HLA-DPA1: variants seen among roughly 807,000 people sequenced by gnomAD.
HLA-DPA1 encodes the protein major histocompatibility complex, class II, DP alpha 1, also known as HLA class II histocompatibility antigen, DP alpha 1 chain.
Under a neutral mutation model 21.5 loss-of-function variants are expected in HLA-DPA1, and 20 were observed. The observed-to-expected ratio is 0.93, with a 90% confidence interval of 0.66 to 1.35. The LOEUF (loss-of-function observed/expected upper bound fraction) is 1.35. Among genes scored for constraint, HLA-DPA1 ranks in the 40% most tolerant of loss-of-function variants. The pLI, the probability that HLA-DPA1 is intolerant of heterozygous loss-of-function variation, is 0.00. For synonymous variants in HLA-DPA1, 123 were observed against 129.6 expected (o/e 0.95, Z 0.35); for missense variants, 279 against 323.0 (o/e 0.86, Z 1.05).
exon 5 of HLA-DPA1, chr6:33,068,720 A>G: frequency 6.2e-7 from 1 of 1,612,980 alleles, no homozygotes. Flanking sequence ...GGTGCCCACG[A>G]TGATGCCGAC....
At chr6:33,079,909 A>C (rs1324172649) in intron 1 of HLA-DPA1, 1 of 233,142 alleles carries the variant, frequency 4.3e-6, no homozygotes, top group East Asian at 4.4e-4. Flanking sequence ...AAAAACTGCC[A>C]AAAAAAATTA....
intron 2 of HLA-DPA1, among the ~76,000 whole-genome samples, chr6:33,072,321 C>T (rs4345439): frequency 0.096 from 14,569 of 152,136 alleles, 1,705 homozygotes; most frequent in East Asian, 0.59. Flanking sequence ...GTCTCTGGGA[C>T]AGGATGCAGA....
At position 33,080,174 on chromosome 6, in the gene HLA-DPA1, A is replaced by G. The variant is rs1420299418; in HGVS notation, c.-100+506T>C. On this transcript the variant is annotated intron_variant, in intron 1 of 5. Coordinates refer to ENST00000419277, the Ensembl canonical transcript of HLA-DPA1. This position sits in a 1 kb window ranked among gnomAD's most constrained non-coding sequence, Gnocchi z 4.3. ...AATTCTCAAGAAACTGGTCGAGAAG[A>G]GAGAGCGCTTAGCTATGGAAAAGAG... Among the ~76,000 whole-genome samples the G allele has an allele frequency of 6.6e-6, 1 of 152,188 alleles. No individual in the cohort carries two copies. The highest frequency in any genetic ancestry group is 1.5e-5 in the Non-Finnish European group (1 of 68,040).
At chr6:33,078,260 G>A (rs115701130) in intron 1 of HLA-DPA1, among the ~76,000 whole-genome samples, 56 of 152,270 alleles carry the variant, frequency 3.7e-4, no homozygotes, top group African/African-American at 1.3e-3. Context: ...GGGACTGAGG[G>A]TAGATTACTG....
At chr6:33,065,416 C>T (rs561792663) in intron 5 of HLA-DPA1, 69 bp from the exon 5 acceptor site, 1 of 152,616 alleles carries the variant, frequency 6.6e-6, no homozygotes, top group East Asian at 1.9e-4. Context: ...ATCTTCCCCA[C>T]TCCCTTTGCA....
chr6:33,069,911 C>T (rs1398176462), intron 2 of HLA-DPA1, 25 bp from the exon 2 acceptor site: 4 of 1,598,220 alleles, frequency 2.5e-6, no homozygotes, highest in Non-Finnish European at 3.4e-6. Flanking sequence ...TAGAGAAAAA[C>T]ACGACAAAAT....
At chr6:33,073,300 T>C (rs981896196) in intron 2 of HLA-DPA1, 171 bp downstream of exon 1, 24 of 554,550 alleles carry the variant, frequency 4.3e-5, no homozygotes, top group Non-Finnish European at 6.7e-5. Context: ...TGCAGGAGTC[T>C]CATAAATTCT....
intron 1 of HLA-DPA1, among the ~76,000 whole-genome samples, chr6:33,078,626 CAA>C (rs34544512): frequency 1.3e-5 from 2 of 150,970 alleles, no homozygotes; most frequent in Non-Finnish European, 3.0e-5. Context: ...TTCTTATATA[CAA>C]AAAAAAATGA....
chr6:33,068,887 T>C (rs1240692465), intron 4 of HLA-DPA1, 83 bp from the exon 4 acceptor site: 22 of 1,552,986 alleles, frequency 1.4e-5, no homozygotes, highest in Middle Eastern at 1.8e-4. Context: ...TTGAAGGTTA[T>C]GGACCAGTTA....
chr6:33,077,066 C>T (rs1416569627), intron 1 of HLA-DPA1, among the ~76,000 whole-genome samples: 3 of 112,368 alleles, frequency 2.7e-5, no homozygotes, highest in Non-Finnish European at 5.3e-5. Context: ...CTATCCCTCC[C>T]CCCTCCCCCC....
chr6:33,069,203 G>C lies in HLA-DPA1; in HGVS notation c.444C>G (p.Leu148=), dbSNP rs535481190. ...CCCCGTTGCACAGCCACGTGACGTTGAGCACTGGTGGGAAGAACTTGTCAA... is the reference window on the plus strand; with the variant it reads ...CCCCGTTGCACAGCCACGTGACGTTCAGCACTGGTGGGAAGAACTTGTCAA... Residue 148 remains leucine, a synonymous_variant, in exon 4 of 6, where the codon CTC becomes CTG. Transcript: ENST00000419277. The C allele has an allele frequency of 5.0e-6, 8 of 1,612,938 alleles. 1 individual carries two copies. The African/African-American group carries it at 9.3e-5, about 19-fold the overall frequency.
chr6:33,069,796 T>A, exon 3 of HLA-DPA1: 1 of 1,611,482 alleles, frequency 6.2e-7, no homozygotes, highest in South Asian at 1.1e-5. Context: ...CAGATCCACA[T>A]AGAACATCTC....
intron 5 of HLA-DPA1, chr6:33,067,509 C>T (rs201348127): frequency 0.29 from 43,942 of 151,968 alleles, 8,382 homozygotes; most frequent in East Asian, 0.69. Flanking sequence ...CCATGTTTCG[C>T]GTACAGCCTG....
chr6:33,067,452 C>T (rs1290592493), intron 5 of HLA-DPA1: 1 of 152,202 alleles, frequency 6.6e-6, no homozygotes, highest in African/African-American at 2.4e-5. Context: ...TGCCTTCCAC[C>T]ATGAGTAAAA....
chr6:33,076,894 TCTCTCAGGATA>T (rs1235143728), intron 1 of HLA-DPA1, among the ~76,000 whole-genome samples: 1 of 152,228 alleles, frequency 6.6e-6, no homozygotes, highest in East Asian at 1.9e-4. Context: ...CCATTGTTTT[TCTCTCAGGATA>T]CTCTCAGGAT....
chr6:33,077,744 T>G (rs528417337), intron 1 of HLA-DPA1, among the ~76,000 whole-genome samples: 2 of 152,228 alleles, frequency 1.3e-5, no homozygotes, highest in South Asian at 4.1e-4. Context: ...ACACCCTTCC[T>G]CCTAGACCTC....
intron 1 of HLA-DPA1, among the ~76,000 whole-genome samples, chr6:33,074,430 G>C (rs1762437463): frequency 6.6e-6 from 1 of 151,976 alleles, no homozygotes; most frequent in Non-Finnish European, 1.5e-5. Context: ...ATGTTTTTCT[G>C]TTACAGGTAA....
rs1762758708 is a variant in HLA-DPA1 at position 33,080,164 on chromosome 6, G to A, written c.-100+516C>T. Among the ~76,000 whole-genome samples, 1 of 152,144 alleles carries A rather than the reference G, an allele frequency of 6.6e-6. No homozygotes were observed. Among genetic ancestry groups the A allele is most frequent in the African/African-American group, 2.4e-5 (1 of 41,422 alleles). On this transcript the variant is annotated intron_variant, in intron 1 of 5. Coordinates refer to ENST00000419277, the Ensembl canonical transcript of HLA-DPA1. This position sits in a 1 kb window ranked among gnomAD's most constrained non-coding sequence, Gnocchi z 4.3. ...CAAGTTGAGGAATTCTCAAGAAACTGGTCGAGAAGAGAGAGCGCTTAGCTA... is the reference window on the plus strand; with the variant it reads ...CAAGTTGAGGAATTCTCAAGAAACTAGTCGAGAAGAGAGAGCGCTTAGCTA...
At position 33,080,661 on chromosome 6, in the gene HLA-DPA1, C is replaced by T; in HGVS notation, c.-100+19G>A. ...GTGGCGCCTCCGCTCATGTCCGCCC[C>T]CTCCCCGCAGAGAATTACCTTTTCC... On this transcript the variant is annotated intron_variant, in intron 1 of 5. Transcript: ENST00000419277. The surrounding 1 kb of genome is among the most constrained non-coding windows in gnomAD (Gnocchi z 4.3). 6.2e-7 allele frequency: 1 copy of T among 1,612,384 alleles called. No individual in the cohort carries two copies. Among genetic ancestry groups the T allele is most frequent in the Non-Finnish European group, 8.5e-7 (1 of 1,179,310 alleles).
Sources: gnomAD v4.1 joint callset for allele counts (sites outside exome capture counted in the v4.1 genomes callset) on GRCh38, gnomAD v4.1.1 for gene constraint, Gnocchi (gnomAD v3.1) non-coding constraint, MANE v1.5 for transcripts, NCBI Gene and HGNC (gene_info 2026-07-23, HGNC 2026-07-21) for gene names.